The following MPP7 variants were observed in gnomAD, a reference collection of about 807,000 sequenced individuals.
MPP7 encodes MAGUK p55 scaffold protein 7.
A neutral mutation model predicts 76.5 loss-of-function variants in MPP7; 60 were observed. That is an observed-to-expected ratio of 0.78 (90% confidence interval 0.64 to 0.97). The LOEUF (loss-of-function observed/expected upper bound fraction) is 0.97. MPP7 is among the 50% of genes least tolerant of loss of function. MPP7 has a pLI of 0.00. For synonymous variants in MPP7, 237 were observed against 244.5 expected, an observed-to-expected ratio of 0.97 and a Z score of 0.29; for missense variants, 641 against 694.0, an observed-to-expected ratio of 0.92 and a Z score of 0.86.
rs989024100 is a variant in MPP7, at chr10:28,051,943, T to C, written c.*2122A>G. Reference sequence around the variant, plus strand: ...CTAAAATTACCAAAGTGCCCCCTTTTCCCCCCATTATTTAAAAAATATTGT... The same window carrying C: ...CTAAAATTACCAAAGTGCCCCCTTTCCCCCCCATTATTTAAAAAATATTGT... On this transcript the variant is annotated 3_prime_UTR_variant, in exon 17 of 17. Transcript: ENST00000683449. The C allele has an allele frequency of 2.0e-5, 3 of 151,876 alleles. No homozygotes were observed. Among genetic ancestry groups the C allele is most frequent in the Non-Finnish European group, 2.9e-5 (2 of 67,998 alleles). 9.4% of individuals were successfully genotyped at this position (151,876 alleles called of 1,614,324 possible).
chr10:28,167,946 T>C (rs1003099928), intron 3 of MPP7, among the ~76,000 whole-genome samples: 4 of 152,190 alleles, frequency 2.6e-5, no homozygotes, highest in Non-Finnish European at 4.4e-5. Context: ...GGTTAGGTTA[T>C]ATTTTCTAGG....
chr10:28,306,377 A>G (rs1283155085), upstream of MPP7, among the ~76,000 whole-genome samples: 1 of 152,246 alleles, frequency 6.6e-6, no homozygotes, highest in Non-Finnish European at 1.5e-5. Flanking sequence ...GAGGCTGCAT[A>G]CAGTAGCCCA....
At chr10:28,198,457 C>T (rs955976820) in intron 3 of MPP7, among the ~76,000 whole-genome samples, 3 of 151,938 alleles carry the variant, frequency 2.0e-5, no homozygotes, top group African/African-American at 7.3e-5. Context: ...CGGCTGCAGT[C>T]CCAGCTACTT....
intron 1 of MPP7, among the ~76,000 whole-genome samples, chr10:28,278,283 C>T (rs576050284): frequency 3.3e-5 from 5 of 152,068 alleles, no homozygotes; most frequent in South Asian, 2.1e-4. Context: ...GCAAACGATT[C>T]CATACCCACT....
At chr10:28,326,882 A>G (rs1242285519) in intron 2 of MPP7, among the ~76,000 whole-genome samples, 1 of 152,170 alleles carries the variant, frequency 6.6e-6, no homozygotes, top group Non-Finnish European at 1.5e-5. Flanking sequence ...AATCCCATAG[A>G]CCAGAAAAAG....
At chr10:28,290,349 G>A (rs1840887840) in intron 1 of MPP7, among the ~76,000 whole-genome samples, 1 of 145,964 alleles carries the variant, frequency 6.9e-6, no homozygotes, top group Admixed American at 6.9e-5. Context: ...GGAGGAAAGA[G>A]TATAATACTA....
chr10:28,271,571 T>C (rs768778360), intron 1 of MPP7, among the ~76,000 whole-genome samples: 1 of 152,198 alleles, frequency 6.6e-6, no homozygotes, highest in Non-Finnish European at 1.5e-5. Context: ...TTTTGAAAGG[T>C]AGGGAGCCCT....
intron 3 of MPP7, among the ~76,000 whole-genome samples, chr10:28,154,347 T>C (rs948868511): frequency 6.6e-6 from 1 of 152,172 alleles, no homozygotes; most frequent in Non-Finnish European, 1.5e-5. Context: ...CCTAAAAACT[T>C]GGAGGCTGTA....
At chr10:28,118,907 G>A (rs1225000392) in intron 11 of MPP7, 4 of 985,210 alleles carry the variant, frequency 4.1e-6, no homozygotes, top group Non-Finnish European at 4.8e-6. Flanking sequence ...GCTGTTTAAT[G>A]TACAGTTTCT....
At chr10:28,285,008 G>T (rs981064866) in intron 1 of MPP7, among the ~76,000 whole-genome samples, 51 of 152,070 alleles carry the variant, frequency 3.4e-4, no homozygotes, top group African/African-American at 1.1e-3. Flanking sequence ...GTTTCCTTTA[G>T]ATTTGCTTCT....
intron 2 of MPP7, among the ~76,000 whole-genome samples, chr10:28,323,787 A>T (rs779550200): frequency 1.3e-5 from 2 of 152,172 alleles, no homozygotes; most frequent in African/African-American, 2.4e-5. Context: ...AGCCACACTG[A>T]TGGAGCTTGA....
chr10:28,165,475 A>G (rs1588873878), intron 3 of MPP7, among the ~76,000 whole-genome samples: 4 of 151,684 alleles, frequency 2.6e-5, no homozygotes, highest in Admixed American at 2.6e-4. Flanking sequence ...GCAGTGAGCC[A>G]TGACTGCACC....
At chr10:28,188,272 TAAG>T (rs1195764379) in intron 3 of MPP7, among the ~76,000 whole-genome samples, 1 of 152,196 alleles carries the variant, frequency 6.6e-6, no homozygotes, top group African/African-American at 2.4e-5. Flanking sequence ...AGGGCATTTT[TAAG>T]AAGATAAATT....
intron 16 of MPP7, among the ~76,000 whole-genome samples, chr10:28,054,468 A>C (rs1320010807): frequency 6.6e-6 from 1 of 152,216 alleles, no homozygotes; most frequent in Non-Finnish European, 1.5e-5. Flanking sequence ...CTCTGGCAAG[A>C]GTCAAAACTC....
chr10:28,186,557 A>G (rs889917147), intron 3 of MPP7, among the ~76,000 whole-genome samples: 1 of 152,208 alleles, frequency 6.6e-6, no homozygotes, highest in Non-Finnish European at 1.5e-5. Flanking sequence ...TTTGCTGCCA[A>G]TGGTTCTACA....
intron 1 of MPP7, among the ~76,000 whole-genome samples, chr10:28,302,005 G>C (rs2133158823): frequency 6.6e-6 from 1 of 152,312 alleles, no homozygotes; most frequent in Admixed American, 6.5e-5. Context: ...TGCCTGACTA[G>C]CAGGTGCATC....
chr10:28,088,286 T>C (rs1401675404), intron 12 of MPP7, among the ~76,000 whole-genome samples: 1 of 152,114 alleles, frequency 6.6e-6, no homozygotes, highest in African/African-American at 2.4e-5. Context: ...TGGCTCTGTG[T>C]CCCCACCCAA....
At chr10:28,144,782 A>G (rs1171611341) in intron 5 of MPP7, among the ~76,000 whole-genome samples, 6 of 152,086 alleles carry the variant, frequency 3.9e-5, no homozygotes, top group African/African-American at 1.2e-4. Context: ...TATGTATCCC[A>G]TATCATTTCC....
At chr10:28,057,202 C>T (rs1038486843) in intron 15 of MPP7, among the ~76,000 whole-genome samples, 1 of 152,238 alleles carries the variant, frequency 6.6e-6, no homozygotes, top group Non-Finnish European at 1.5e-5. Context: ...GGGACACCAG[C>T]AGAGAGGCTC....
Sources: allele counts gnomAD v4.1 joint callset (sites outside exome capture counted in the v4.1 genomes callset), GRCh38; gene constraint gnomAD v4.1.1; transcripts MANE v1.5; gene names NCBI Gene and HGNC (gene_info 2026-07-23, HGNC 2026-07-21).